The following SAMD5 variants were observed in gnomAD, a reference collection of about 807,000 sequenced individuals.
SAMD5 encodes the protein sterile alpha motif domain-containing protein 5.
SAMD5 carries 13 observed loss-of-function variants against 11.3 expected under a neutral mutation model. The ratio of observed to expected loss-of-function variants is 1.15; its 90% CI spans 0.75 to 1.83. The LOEUF is 1.83. SAMD5 is among the 40% of genes most tolerant of loss of function. The pLI, the probability that SAMD5 is intolerant of heterozygous loss-of-function variation, is 0.00. For missense variants in SAMD5, 255 were observed against 239.1 expected (o/e 1.07, Z -0.44); for synonymous variants, 129 against 111.3 (o/e 1.16, Z -1.00).
At chr6:147,634,531 C>T (rs902726462) in intron 1 of SAMD5, among the ~76,000 whole-genome samples, 2 of 152,162 alleles carry the variant, frequency 1.3e-5, no homozygotes, top group Admixed American at 1.3e-4. Flanking sequence ...AAGATCTGTC[C>T]ACATTGTGAC....
In SAMD5 at chr6:147,569,691, A is replaced by G. The variant is rs1789105868; in HGVS notation, c.*5235A>G. 9 of 985,184 alleles carry G rather than the reference A, an allele frequency of 9.1e-6. No individual in the cohort carries two copies. The highest frequency in any genetic ancestry group is 1.1e-5 in the Non-Finnish European group (9 of 829,836). The allele number at this position is 985,184 out of a possible 1,614,324, so 61.0% of individuals were successfully genotyped here. A position where few individuals can be genotyped will look rare whatever the true frequency, so the allele number is the denominator to read the frequency against. On this transcript the variant is annotated 3_prime_UTR_variant, in exon 2 of 2. Coordinates refer to ENST00000367474, the MANE Select transcript of SAMD5 (RefSeq NM_001030060.3). Reference sequence around the variant, plus strand: ...TCCCCAAGCTTGTCAATGTTTAGAGATACTATTCGGGTTGCTAAAGCCATT... The same window carrying G: ...TCCCCAAGCTTGTCAATGTTTAGAGGTACTATTCGGGTTGCTAAAGCCATT...
chr6:147,600,180 T>A (rs1452558337), intron 1 of SAMD5, among the ~76,000 whole-genome samples: 1 of 152,092 alleles, frequency 6.6e-6, no homozygotes, highest in Non-Finnish European at 1.5e-5. Flanking sequence ...TCCTTCCCAG[T>A]GGAAAGGGTC....
At chr6:147,795,199 A>G in the SAMD5 span, among the ~76,000 whole-genome samples, 29 of 132,954 alleles carry the variant, frequency 2.2e-4, no homozygotes, top group Admixed American at 7.4e-4. Context: ...ATATCTCCCA[A>G]TGCTATCCCT....
the SAMD5 span, among the ~76,000 whole-genome samples, chr6:147,830,548 G>A: frequency 2.6e-5 from 4 of 151,916 alleles, no homozygotes; most frequent in Non-Finnish European, 4.4e-5. Context: ...GAGCCACCGC[G>A]CCCGGCCCCA....
At chr6:147,843,017 G>A in the SAMD5 span, among the ~76,000 whole-genome samples, 140 of 152,126 alleles carry the variant, frequency 9.2e-4, no homozygotes, top group Middle Eastern at 3.4e-3. Context: ...CTGCCACCAC[G>A]CCTAGCTAAT....
At chr6:147,702,708 T>C (rs1791271242) in intron 1 of SAMD5, among the ~76,000 whole-genome samples, 1 of 152,216 alleles carries the variant, frequency 6.6e-6, no homozygotes. Context: ...TGAATTTTAC[T>C]GAGTGCTCCT....
At chr6:147,904,889 GC>G in the SAMD5 span, among the ~76,000 whole-genome samples, 1 of 111,590 alleles carries the variant, frequency 9.0e-6, no homozygotes, top group African/African-American at 4.0e-5. Context: ...TAGACTTTAT[GC>G]CTTTTTTTTT....
the SAMD5 span, among the ~76,000 whole-genome samples, chr6:147,939,751 C>T: frequency 6.6e-6 from 1 of 152,090 alleles, no homozygotes; most frequent in Non-Finnish European, 1.5e-5. Flanking sequence ...AAAGTGGTTC[C>T]CACCTTTCCA....
chr6:147,762,640 G>T, the SAMD5 span, among the ~76,000 whole-genome samples: 1 of 152,180 alleles, frequency 6.6e-6, no homozygotes, highest in Admixed American at 6.5e-5. Context: ...AGAGATCATT[G>T]TGTGACTCAA....
chr6:147,731,491 T>C (rs1203077461), intron 1 of SAMD5, among the ~76,000 whole-genome samples: 1 of 152,158 alleles, frequency 6.6e-6, no homozygotes, highest in Non-Finnish European at 1.5e-5. Flanking sequence ...TGGAAAACAA[T>C]GCACAGCCAT....
In SAMD5 at chr6:147,611,984, G is replaced by A. The variant is rs57604381; in HGVS notation, c.162+102597G>A. Among the ~76,000 whole-genome samples the A allele has an allele frequency of 5.9e-5, 9 of 152,260 alleles. 1 individual carries two copies. The South Asian group carries it at 1.2e-3, about 21-fold the overall frequency. ...GTACTTGCTAGAGTGCTGGGCCATC[G>A]ATGTAGCTCATCTCCCTCTGATTCT... On this transcript the variant is annotated intron_variant, in intron 1 of 1. Coordinates refer to the SAMD5 transcript ENST00000566741.
chr6:147,936,730 C>T, the SAMD5 span, among the ~76,000 whole-genome samples: 3 of 152,118 alleles, frequency 2.0e-5, no homozygotes, highest in African/African-American at 4.8e-5. Context: ...AAGAAAATGC[C>T]AATGGCCTCC....
chr6:147,866,766 G>T, the SAMD5 span, among the ~76,000 whole-genome samples: 1 of 152,134 alleles, frequency 6.6e-6, no homozygotes. Flanking sequence ...TCTGCATGGT[G>T]TAGATTCTGG....
intron 1 of SAMD5, among the ~76,000 whole-genome samples, chr6:147,658,736 T>C (rs2128454140): frequency 6.6e-6 from 1 of 152,114 alleles, no homozygotes; most frequent in East Asian, 1.9e-4. Context: ...AAGGTAAGAA[T>C]TGGGCTAAAC....
chr6:147,734,711 TAAAAAAAAAAAAAAAA>T (rs61482319), intron 1 of SAMD5, among the ~76,000 whole-genome samples: 2,083 of 26,226 alleles, frequency 0.079, 151 homozygotes, highest in African/African-American at 0.18. Flanking sequence ...AGACTCCATC[TAAAAAAAAAAAAAAAA>T]AAAAAAAAAA....
chr6:147,643,924 T>C (rs1322295234), intron 1 of SAMD5, among the ~76,000 whole-genome samples: 1 of 139,878 alleles, frequency 7.1e-6, no homozygotes, highest in Non-Finnish European at 1.6e-5. Context: ...AGGGTTTGTC[T>C]GGGATCTCAA....
chr6:147,703,820 A>G (rs1448892970), intron 1 of SAMD5, among the ~76,000 whole-genome samples: 1 of 152,198 alleles, frequency 6.6e-6, no homozygotes, highest in Non-Finnish European at 1.5e-5. Flanking sequence ...AAAGATGTAA[A>G]AAAATTTCCT....
At position 147,568,174 on chromosome 6, in the gene SAMD5, C is replaced by T. The variant is rs1789074163; in HGVS notation, c.*3718C>T. On this transcript the variant is annotated 3_prime_UTR_variant, in exon 2 of 2. Transcript: ENST00000367474. ...CCGATAGCATCTTCTGGGAAGAATC[C>T]AACCAAGATACAAAGCAGATGATGG... is the stretch of plus-strand genomic sequence containing the variant. 1.0e-6 allele frequency: 1 copy of T among 985,214 alleles called. No homozygotes were observed. The highest frequency in any genetic ancestry group is 1.2e-6 in the Non-Finnish European group (1 of 829,884). 61.0% of individuals were successfully genotyped at this position (985,214 alleles called of 1,614,324 possible).
chr6:147,682,175 C>G (rs898195852), intron 1 of SAMD5, among the ~76,000 whole-genome samples: 1 of 152,132 alleles, frequency 6.6e-6, no homozygotes, highest in Non-Finnish European at 1.5e-5. Flanking sequence ...TCCTCATGGC[C>G]TGGAAATTCT....
Sources: gnomAD v4.1 joint callset for allele counts (sites outside exome capture counted in the v4.1 genomes callset) on GRCh38, gnomAD v4.1.1 for gene constraint, MANE v1.5 for transcripts, NCBI Gene and HGNC (gene_info 2026-07-23, HGNC 2026-07-21) for gene names.